Variants in SEMA3A observed in about 807,000 individuals in gnomAD.
SEMA3A encodes the protein semaphorin-3A.
SEMA3A carries 29 observed loss-of-function variants against 97.9 expected under a neutral mutation model. That is an observed-to-expected ratio of 0.30 (90% CI 0.22 to 0.40). SEMA3A has a LOEUF of 0.40. Ranked by LOEUF, SEMA3A falls within the 10% of genes least tolerant of loss-of-function variation. SEMA3A has a pLI of 1.00. For synonymous variants in SEMA3A, 321 were observed against 323.7 expected (o/e 0.99, Z 0.09); for missense variants, 763 against 951.3 (o/e 0.80, Z 2.60).
intron 2 of SEMA3A, among the ~76,000 whole-genome samples, chr7:84,356,231 A>C (rs991877417): frequency 6.6e-6 from 1 of 151,842 alleles, no homozygotes; most frequent in Admixed American, 6.6e-5. Flanking sequence ...TTATATTAAT[A>C]TTATAGTATA....
chr7:84,310,494 G>A (rs1355266026), intron 2 of SEMA3A, among the ~76,000 whole-genome samples: 1 of 151,908 alleles, frequency 6.6e-6, no homozygotes, highest in Non-Finnish European at 1.5e-5. Context: ...ATAGTAACAA[G>A]TAAAACTTAA....
At chr7:84,484,238 T>A (rs1455869927) in intron 1 of SEMA3A, among the ~76,000 whole-genome samples, 1 of 152,082 alleles carries the variant, frequency 6.6e-6, no homozygotes, top group African/African-American at 2.4e-5. Context: ...AAGTTACACA[T>A]TAAATAATTT....
chr7:84,260,165 G>A (rs190598773), intron 3 of SEMA3A, among the ~76,000 whole-genome samples: 4 of 152,292 alleles, frequency 2.6e-5, no homozygotes, highest in African/African-American at 4.8e-5. Context: ...TCATTTAAGC[G>A]TGGTATATCT....
intron 3 of SEMA3A, among the ~76,000 whole-genome samples, chr7:84,229,735 T>C (rs1300097717): frequency 6.6e-6 from 1 of 152,094 alleles, no homozygotes; most frequent in Non-Finnish European, 1.5e-5. Flanking sequence ...AGAACAGTTA[T>C]ATTAATCCCT....
At chr7:84,278,066 G>C (rs955583067) in intron 3 of SEMA3A, among the ~76,000 whole-genome samples, 7 of 151,974 alleles carry the variant, frequency 4.6e-5, no homozygotes, top group African/African-American at 1.7e-4. Flanking sequence ...ATGAGTATTG[G>C]TTGTTAGGAG....
At chr7:84,269,788 G>C (rs560205299) in intron 3 of SEMA3A, among the ~76,000 whole-genome samples, 1 of 152,082 alleles carries the variant, frequency 6.6e-6, no homozygotes, top group Non-Finnish European at 1.5e-5. Flanking sequence ...TTACCTATGC[G>C]ACATAGATTA....
chr7:84,131,574 T>G lies in SEMA3A; in HGVS notation c.271-2389A>C, dbSNP rs1178608099. On this transcript the variant is annotated intron_variant, in intron 2 of 16. Transcript: ENST00000265362. ...CATGTGTTTTTGCCTCGAAGAGGGA[T>G]TTGCCTAGTATTTGCCCATAAGATT... Among the ~76,000 whole-genome samples the G allele has an allele frequency of 3.3e-5, 5 of 152,118 alleles. No individual in the cohort carries two copies. The East Asian group carries it at 9.6e-4, about 29-fold the overall frequency.
chr7:84,427,169 A>T (rs1043636149), intron 1 of SEMA3A, among the ~76,000 whole-genome samples: 23 of 152,232 alleles, frequency 1.5e-4, no homozygotes, highest in African/African-American at 5.1e-4. Flanking sequence ...CAGAACCTGG[A>T]GAAATTCTCT....
chr7:84,381,690 A>G (rs569031938), intron 1 of SEMA3A, among the ~76,000 whole-genome samples: 5 of 152,170 alleles, frequency 3.3e-5, no homozygotes, highest in South Asian at 2.1e-4. Flanking sequence ...TGTAAAGCCA[A>G]TCCTGTCCAA....
Position 84,106,640 on chromosome 7 carries a change from A to G in SEMA3A, c.453+3830T>C, listed in dbSNP as rs1452962998. ...GTTGTATTATTACTTTAAAGGAACCATTAATTTCTTCCTATAAGATCCAAA... is the reference window on the plus strand; with the variant it reads ...GTTGTATTATTACTTTAAAGGAACCGTTAATTTCTTCCTATAAGATCCAAA... On this transcript the variant is annotated intron_variant, in intron 4 of 16. Transcript: ENST00000265362. Among the ~76,000 whole-genome samples, 2 of 152,198 alleles carry G rather than the reference A, an allele frequency of 1.3e-5. 1 individual carries two copies. The highest frequency in any genetic ancestry group is 4.1e-4 in the South Asian group (2 of 4,834).
intron 4 of SEMA3A, among the ~76,000 whole-genome samples, chr7:84,086,469 ATGTATTAT>A (rs764185854): frequency 0.48 from 51,439 of 107,060 alleles, 11,381 homozygotes; most frequent in East Asian, 0.59. Flanking sequence ...CATATATAAT[ATGTATTAT>A]TATATTATAT....
At chr7:84,001,403 T>G (rs1790445161) in intron 12 of SEMA3A, among the ~76,000 whole-genome samples, 1 of 150,210 alleles carries the variant, frequency 6.7e-6, no homozygotes, top group South Asian at 2.1e-4. Flanking sequence ...GACAAATATA[T>G]GTACATTTCT....
intron 2 of SEMA3A, among the ~76,000 whole-genome samples, chr7:84,132,060 G>T (rs1034300313): frequency 4.6e-5 from 7 of 151,990 alleles, no homozygotes; most frequent in African/African-American, 1.7e-4. Flanking sequence ...CAATCTGCAG[G>T]GCTTGGCCTC....
chr7:84,405,256 T>C (rs1238821104), intron 1 of SEMA3A, among the ~76,000 whole-genome samples: 1 of 152,076 alleles, frequency 6.6e-6, no homozygotes, highest in Admixed American at 6.5e-5. Flanking sequence ...TAGTCTCTGA[T>C]AAAACAGACT....
intron 1 of SEMA3A, among the ~76,000 whole-genome samples, chr7:84,408,150 A>G (rs1327732296): frequency 6.6e-6 from 1 of 152,188 alleles, no homozygotes; most frequent in African/African-American, 2.4e-5. Context: ...TCATCTGACA[A>G]AGGGCTAATA....
At chr7:84,033,617 T>G (rs1791835867) in intron 6 of SEMA3A, among the ~76,000 whole-genome samples, 2 of 152,172 alleles carry the variant, frequency 1.3e-5, no homozygotes, top group Non-Finnish European at 1.5e-5. Context: ...ACACATTATT[T>G]TGTGCTAAAA....
intron 1 of SEMA3A, among the ~76,000 whole-genome samples, chr7:84,486,343 G>A (rs999578712): frequency 6.6e-5 from 10 of 152,158 alleles, no homozygotes; most frequent in East Asian, 1.9e-4. Context: ...AGCCAAGATC[G>A]TGCCATTGCA....
At chr7:84,040,521 C>T (rs769119662) in intron 6 of SEMA3A, among the ~76,000 whole-genome samples, 8 of 152,040 alleles carry the variant, frequency 5.3e-5, no homozygotes, top group Non-Finnish European at 7.4e-5. Flanking sequence ...ATCAAGCTGC[C>T]GCCAGAAACT....
At chr7:84,444,068 T>C (rs949850116) in intron 1 of SEMA3A, among the ~76,000 whole-genome samples, 1 of 151,808 alleles carries the variant, frequency 6.6e-6, no homozygotes, top group African/African-American at 2.4e-5. Flanking sequence ...TGTATTTTAG[T>C]AGAAATGGGG....
Sources: allele counts gnomAD v4.1 joint callset (sites outside exome capture counted in the v4.1 genomes callset), GRCh38; gene constraint gnomAD v4.1.1; transcripts MANE v1.5; gene names NCBI Gene and HGNC (gene_info 2026-07-23, HGNC 2026-07-21).